LYN: variants seen among roughly 807,000 people sequenced by gnomAD.
LYN encodes the protein LYN proto-oncogene, Src family tyrosine kinase.
LYN carries 12 observed loss-of-function variants against 65.0 expected under a neutral mutation model. The observed-to-expected ratio is 0.18, with a 90% CI of 0.12 to 0.30. The LOEUF (loss-of-function observed/expected upper bound fraction) is 0.30. LYN is among the 10% of genes least tolerant of loss of function. LYN has a pLI of 1.00. For synonymous variants in LYN, 222 were observed against 221.2 expected (o/e 1.00, Z -0.03); for missense variants, 380 against 623.2 (o/e 0.61, Z 4.16).
In LYN at chr8:56,010,176, A is replaced by C; in HGVS notation, c.*66A>C. The C allele has an allele frequency of 6.7e-7, 1 of 1,489,812 alleles. No individual in the cohort carries two copies. The highest frequency in any genetic ancestry group is 9.3e-7 in the Non-Finnish European group (1 of 1,072,128). The allele number at this position is 1,489,812 out of a possible 1,614,324, so 92.3% of individuals were successfully genotyped here. ...CATTTAGAGAGGAAAAGTAACCATCACTGGTTGCACTTATGATTTCATGTG... is the reference window on the plus strand; with the variant it reads ...CATTTAGAGAGGAAAAGTAACCATCCCTGGTTGCACTTATGATTTCATGTG... On this transcript the variant is annotated 3_prime_UTR_variant, in exon 13 of 13. Transcript: ENST00000519728.
chr8:55,887,676 C>G (rs1804842566), intron 1 of LYN, among the ~76,000 whole-genome samples: 1 of 148,256 alleles, frequency 6.7e-6, no homozygotes, highest in African/African-American at 2.5e-5. Context: ...ATGGTGTGAT[C>G]TCGGCTCACT....
intron 2 of LYN, among the ~76,000 whole-genome samples, chr8:55,943,575 CA>C (rs71555625): frequency 0.02 from 1,576 of 77,888 alleles, 13 homozygotes; most frequent in African/African-American, 0.059. Flanking sequence ...GACTCTGTCT[CA>C]AAAAAAAAAA....
Position 55,879,929 on chromosome 8 carries a change from G to A in LYN, c.-180G>A. On this transcript the variant is annotated 5_prime_UTR_variant, in exon 1 of 13. Coordinates refer to ENST00000519728, the MANE Select transcript of LYN (RefSeq NM_002350.4). ...CGCTGCAGCCTCCAGCCCGCGGCAA[G>A]CGGGGCGGCCGCGCCACCCCCGGCC... 5.0e-6 allele frequency: 1 copy of A among 201,538 alleles called. No individual in the cohort carries two copies. Among genetic ancestry groups the A allele is most frequent in the Non-Finnish European group, 9.8e-6 (1 of 101,992 alleles). 12.5% of individuals were successfully genotyped at this position (201,538 alleles called of 1,614,324 possible).
At chr8:55,929,116 A>G (rs144362861) in intron 1 of LYN, among the ~76,000 whole-genome samples, 115 of 152,214 alleles carry the variant, frequency 7.6e-4, no homozygotes, top group African/African-American at 2.6e-3. Context: ...GTGTGGTTCT[A>G]TTTCTGGGCT....
chr8:55,959,359 G>A (rs1039139004), intron 8 of LYN, among the ~76,000 whole-genome samples: 1 of 152,120 alleles, frequency 6.6e-6, no homozygotes, highest in Non-Finnish European at 1.5e-5. Flanking sequence ...TACTAATAAC[G>A]TTTTAAATGA....
chr8:55,905,560 C>A (rs981655405), intron 1 of LYN, among the ~76,000 whole-genome samples: 1 of 152,156 alleles, frequency 6.6e-6, no homozygotes. Context: ...GCTAGCTACC[C>A]AGCTAGAAAA....
At chr8:55,887,477 G>T (rs950728503) in intron 1 of LYN, among the ~76,000 whole-genome samples, 1 of 150,104 alleles carries the variant, frequency 6.7e-6, no homozygotes, top group Admixed American at 6.7e-5. Flanking sequence ...ATATTTAAAA[G>T]AATGAGCATC....
At chr8:55,927,902 C>T (rs762718496) in intron 1 of LYN, among the ~76,000 whole-genome samples, 41 of 152,070 alleles carry the variant, frequency 2.7e-4, no homozygotes, top group Admixed American at 2.1e-3. Context: ...TGTGTACATA[C>T]GTTTTCAACT....
At chr8:55,976,635 C>T (rs986997276) in intron 10 of LYN, among the ~76,000 whole-genome samples, 9 of 152,062 alleles carry the variant, frequency 5.9e-5, no homozygotes, top group Admixed American at 1.3e-4. Context: ...GAGTGGGCAC[C>T]GCATGCTACT....
intron 1 of LYN, among the ~76,000 whole-genome samples, chr8:55,883,502 A>G (rs1804703158): frequency 6.6e-6 from 1 of 151,978 alleles, no homozygotes; most frequent in South Asian, 2.1e-4. Flanking sequence ...CTAAGATGAC[A>G]CCTATACTGG....
chr8:56,005,694 A>G (rs1473229260), intron 12 of LYN, among the ~76,000 whole-genome samples: 1 of 152,234 alleles, frequency 6.6e-6, no homozygotes, highest in East Asian at 1.9e-4. Flanking sequence ...GAATTACAGA[A>G]AAAAGAAAAT....
At chr8:55,907,268 C>T (rs1805453642) in intron 1 of LYN, among the ~76,000 whole-genome samples, 1 of 152,182 alleles carries the variant, frequency 6.6e-6, no homozygotes, top group African/African-American at 2.4e-5. Flanking sequence ...AAATGAGACA[C>T]TGATATATTC....
At position 56,012,716 on chromosome 8, in the gene LYN, C is replaced by CA. The variant is rs113224256; in HGVS notation, c.*2617dup. On this transcript the variant is annotated 3_prime_UTR_variant, in exon 13 of 13. Transcript: ENST00000519728. The stretch of plus-strand genomic sequence containing the variant: ...CCTGGGCAAGAGTGAGACCCTGTCT[C>CA]AAAAAAAAAAACCAAAAAAACAAAA... 1,812 of 140,754 alleles carry CA rather than the reference C, an allele frequency of 0.013. 14 individuals carry two copies. The highest frequency in any genetic ancestry group is 0.052 in the Middle Eastern group (14 of 268). The allele number at this position is 140,754 out of a possible 1,614,324, so 8.7% of individuals were successfully genotyped here.
intron 10 of LYN, among the ~76,000 whole-genome samples, chr8:55,987,868 G>A (rs1452083660): frequency 6.6e-6 from 1 of 152,160 alleles, no homozygotes; most frequent in Non-Finnish European, 1.5e-5. Flanking sequence ...TCGTTACTAT[G>A]AATATAACCT....
chr8:55,947,498 C>T, intron 3 of LYN, 120 bp from the exon 4 acceptor site: 1 of 718,428 alleles, frequency 1.4e-6, no homozygotes, highest in East Asian at 2.5e-5. Flanking sequence ...GCAGGAAGCA[C>T]ATGTCCTTCT....
At chr8:56,005,126 C>A (rs953929354) in intron 12 of LYN, among the ~76,000 whole-genome samples, 27 of 152,100 alleles carry the variant, frequency 1.8e-4, no homozygotes, top group Non-Finnish European at 2.6e-4. Flanking sequence ...GAGGTGTAAG[C>A]TGAAAGGTCC....
chr8:55,897,677 C>T (rs12678598), intron 1 of LYN, among the ~76,000 whole-genome samples: 2 of 151,964 alleles, frequency 1.3e-5, no homozygotes, highest in East Asian at 3.9e-4. Flanking sequence ...TTTGGGAGGC[C>T]GAGGCAGGAA....
At chr8:55,960,939 A>T (rs1807255196) in intron 8 of LYN, among the ~76,000 whole-genome samples, 1 of 152,186 alleles carries the variant, frequency 6.6e-6, no homozygotes. Context: ...GACTTGGGTG[A>T]CATGCTTCCT....
At chr8:55,939,541 G>C (rs1228834959) in intron 1 of LYN, among the ~76,000 whole-genome samples, 2 of 152,056 alleles carry the variant, frequency 1.3e-5, no homozygotes, top group Non-Finnish European at 2.9e-5. Flanking sequence ...GTGGGGGGGG[G>C]ACAGGGGATT....
Sources: gnomAD v4.1 joint callset for allele counts (sites outside exome capture counted in the v4.1 genomes callset) on GRCh38, gnomAD v4.1.1 for gene constraint, MANE v1.5 for transcripts, NCBI Gene and HGNC (gene_info 2026-07-23, HGNC 2026-07-21) for gene names.